The following IL1RAPL1 variants were observed in gnomAD, a reference collection of about 807,000 sequenced individuals.
The protein encoded by IL1RAPL1 is interleukin-1 receptor accessory protein-like 1.
In IL1RAPL1, 3 loss-of-function variants were observed where a neutral mutation model predicts 48.4. The ratio of observed to expected loss-of-function variants is 0.06; its 90% CI spans 0.03 to 0.16. The LOEUF (loss-of-function observed/expected upper bound fraction) is 0.16, where lower values mean the gene tolerates loss of function less well. Ranked by LOEUF, IL1RAPL1 falls within the 10% of genes least tolerant of loss-of-function variation. The pLI is 1.00. For synonymous variants in IL1RAPL1, 185 were observed against 187.7 expected, an observed-to-expected ratio of 0.99 and a Z score of 0.12; for missense variants, 349 against 530.6, an observed-to-expected ratio of 0.66 and a Z score of 3.36.
At chrX:28,853,485 G>GCA (rs1332409392) in intron 2 of IL1RAPL1, among the ~76,000 whole-genome samples, 1 of 102,526 alleles carries the variant, frequency 9.8e-6, no homozygotes, top group African/African-American at 3.6e-5. Context: ...GTGCATGTGT[G>GCA]TGCGCGCGCA....
At chrX:29,769,014 A>G (rs1928982551) in intron 6 of IL1RAPL1, among the ~76,000 whole-genome samples, 1 of 111,042 alleles carries the variant, frequency 9.0e-6, no homozygotes, top group Non-Finnish European at 1.9e-5. Context: ...AGGAAGCTCT[A>G]AATATCTCAG....
At chrX:29,270,688 T>G (rs112877399) in intron 2 of IL1RAPL1, among the ~76,000 whole-genome samples, 248 of 112,257 alleles carry the variant, frequency 2.2e-3, no homozygotes, top group African/African-American at 7.7e-3. Flanking sequence ...TTATGGTAAC[T>G]GTGATAAATC....
intron 6 of IL1RAPL1, among the ~76,000 whole-genome samples, chrX:29,831,688 A>G (rs1440169291): frequency 2.7e-5 from 3 of 111,802 alleles, no homozygotes; most frequent in Non-Finnish European, 5.6e-5. Flanking sequence ...CAAAAGTATA[A>G]TACTGACCTA....
At chrX:28,982,771 A>G (rs959619295) in intron 2 of IL1RAPL1, 10 of 111,581 alleles carry the variant, frequency 9.0e-5, no homozygotes, top group Non-Finnish European at 1.5e-4. Flanking sequence ...CTTTGCTTAG[A>G]TACTCTTGTC....
At chrX:29,121,200 C>T (rs1353993711) in intron 2 of IL1RAPL1, among the ~76,000 whole-genome samples, 1 of 111,921 alleles carries the variant, frequency 8.9e-6, no homozygotes, top group African/African-American at 3.2e-5. Flanking sequence ...ACTCCACTCA[C>T]CACTGCTTTT....
At chrX:28,600,730 C>G (rs929613845) in intron 1 of IL1RAPL1, among the ~76,000 whole-genome samples, 14 of 111,505 alleles carry the variant, frequency 1.3e-4, no homozygotes, top group African/African-American at 4.3e-4. Flanking sequence ...GTTTCATTAG[C>G]ATTAGCCAGT....
chrX:29,394,793 T>C (rs1933901199), intron 3 of IL1RAPL1, among the ~76,000 whole-genome samples: 1 of 112,020 alleles, frequency 8.9e-6, no homozygotes, highest in Non-Finnish European at 1.9e-5. Flanking sequence ...TGGCTAATTA[T>C]TTCACCTATT....
At chrX:29,931,665 T>C (rs1260479590) in intron 8 of IL1RAPL1, among the ~76,000 whole-genome samples, 1 of 112,575 alleles carries the variant, frequency 8.9e-6, no homozygotes, top group African/African-American at 3.2e-5. Context: ...AAGAGTTCAA[T>C]ATTTCTGTAG....
At chrX:29,348,066 A>C (rs1226330168) in intron 3 of IL1RAPL1, among the ~76,000 whole-genome samples, 4 of 112,407 alleles carry the variant, frequency 3.6e-5, no homozygotes, top group Non-Finnish European at 7.5e-5. Context: ...ACCTCTGTTG[A>C]CTGTGGGCAA....
chrX:29,125,567 A>G (rs1928882070), intron 2 of IL1RAPL1, among the ~76,000 whole-genome samples: 1 of 112,001 alleles, frequency 8.9e-6, no homozygotes, highest in African/African-American at 3.2e-5. Flanking sequence ...CAGTGATGTT[A>G]GGATAAATGT....
chrX:29,946,509 C>T (rs974409287), intron 9 of IL1RAPL1, among the ~76,000 whole-genome samples: 3 of 111,933 alleles, frequency 2.7e-5, no homozygotes, highest in African/African-American at 9.7e-5. Flanking sequence ...ATACGCTATC[C>T]CCCTACCACT....
intron 5 of IL1RAPL1, among the ~76,000 whole-genome samples, chrX:29,401,192 G>C (rs1933988547): frequency 8.9e-6 from 1 of 111,741 alleles, no homozygotes; most frequent in African/African-American, 3.2e-5. Context: ...ATTGAGTCTT[G>C]ATATTCAAGA....
At chrX:28,835,212 C>T (rs1921174551) in intron 2 of IL1RAPL1, among the ~76,000 whole-genome samples, 1 of 111,780 alleles carries the variant, frequency 8.9e-6, no homozygotes, top group Non-Finnish European at 1.9e-5. Context: ...GAAAACCTTG[C>T]CCATTGCCAT....
chrX:29,091,828 A>G (rs1170193938), intron 2 of IL1RAPL1, among the ~76,000 whole-genome samples: 4 of 111,675 alleles, frequency 3.6e-5, no homozygotes, highest in Admixed American at 9.6e-5. Context: ...TAATAAAGCA[A>G]TAGTTCCAAA....
At chrX:28,690,643 C>T (rs1310138490) in intron 1 of IL1RAPL1, among the ~76,000 whole-genome samples, 1 of 111,405 alleles carries the variant, frequency 9.0e-6, no homozygotes, top group African/African-American at 3.3e-5. Flanking sequence ...GTTTCAGAGA[C>T]ACAGTAAACT....
At chrX:28,835,119 TTC>T (rs1186306308) in intron 2 of IL1RAPL1, among the ~76,000 whole-genome samples, 4 of 111,422 alleles carry the variant, frequency 3.6e-5, no homozygotes, top group African/African-American at 1.3e-4. Flanking sequence ...AAAACTTATA[TTC>T]TGTTTGTTGC....
intron 1 of IL1RAPL1, among the ~76,000 whole-genome samples, chrX:28,700,137 C>T (rs753265477): frequency 2.7e-5 from 3 of 111,117 alleles, no homozygotes; most frequent in Admixed American, 9.6e-5. Flanking sequence ...AGGGAACATA[C>T]GTAGAAGAAA....
intron 2 of IL1RAPL1, among the ~76,000 whole-genome samples, chrX:29,048,184 T>A (rs1401253676): frequency 2.7e-5 from 3 of 112,165 alleles, no homozygotes; most frequent in Non-Finnish European, 5.6e-5. Flanking sequence ...TAATGAAGAA[T>A]GAATTATGTA....
In IL1RAPL1 at chrX:29,649,822, C is replaced by T. The variant is rs779705967; in HGVS notation, c.704-18608C>T. Among the ~76,000 whole-genome samples, 29 of 111,216 alleles carry T rather than the reference C, an allele frequency of 2.6e-4. No homozygotes were observed. The East Asian group carries it at 7.1e-3, about 27-fold the overall frequency. On this transcript the variant is annotated intron_variant, in intron 5 of 10. Coordinates refer to ENST00000378993, the MANE Select transcript of IL1RAPL1 (RefSeq NM_014271.4). ...TGGAAAAGGAAGATACTAAACTTTT[C>T]ATGTTTGCAGAGACATGATCTTATA... is the stretch of plus-strand genomic sequence containing the variant.
Sources: allele counts gnomAD v4.1 joint callset (sites outside exome capture counted in the v4.1 genomes callset), GRCh38; gene constraint gnomAD v4.1.1; transcripts MANE v1.5; gene names NCBI Gene and HGNC (gene_info 2026-07-23, HGNC 2026-07-21).